Variants in ADAMTSL1 observed in about 807,000 individuals in gnomAD.
The protein encoded by ADAMTSL1 is ADAMTS like 1.
Under a neutral mutation model 201.8 loss-of-function variants are expected in ADAMTSL1, and 126 were observed. The observed-to-expected ratio is 0.62, with a 90% CI of 0.54 to 0.72. The LOEUF (loss-of-function observed/expected upper bound fraction) is 0.72. ADAMTSL1 is among the 30% of genes least tolerant of loss of function. The pLI, the probability that ADAMTSL1 is intolerant of heterozygous loss-of-function variation, is 0.00. For synonymous variants in ADAMTSL1, 1,121 were observed against 903.4 expected (o/e 1.24, Z -4.32); for missense variants, 2,679 against 2,277.8 (o/e 1.18, Z -3.59).
At chr9:18,615,273 T>C (rs1378692340) in intron 4 of ADAMTSL1, among the ~76,000 whole-genome samples, 2 of 152,176 alleles carry the variant, frequency 1.3e-5, no homozygotes, top group African/African-American at 4.8e-5. Context: ...GGAATTTTGG[T>C]ACCCATAACA....
At chr9:18,818,049 C>T (rs1380507217) in intron 21 of ADAMTSL1, among the ~76,000 whole-genome samples, 1 of 152,082 alleles carries the variant, frequency 6.6e-6, no homozygotes, top group Non-Finnish European at 1.5e-5. Flanking sequence ...AAAATATTTA[C>T]CTTCAATTAA....
intron 2 of ADAMTSL1, among the ~76,000 whole-genome samples, chr9:18,224,022 T>C (rs1340133133): frequency 6.6e-6 from 1 of 151,572 alleles, no homozygotes; most frequent in Admixed American, 6.6e-5. Context: ...AAAAGCATTC[T>C]TTTTTTTTCT....
Position 18,644,317 on chromosome 9 carries a change from A to G in ADAMTSL1, c.834+4906A>G, listed in dbSNP as rs187673969. On this transcript the variant is annotated intron_variant, in intron 7 of 28. Transcript: ENST00000380548. The stretch of plus-strand genomic sequence containing the variant: ...TTTAAGCAGTGCATTGCTTTTTGAA[A>G]AAGATATTGCAGGAATCAGAATGGC... 1.1e-4 allele frequency among the ~76,000 whole-genome samples: 17 copies of G among 152,072 alleles called. No individual in the cohort carries two copies. The East Asian group carries it at 1.9e-3, about 17-fold the overall frequency.
chr9:18,628,163 C>T (rs1826515218), intron 5 of ADAMTSL1, among the ~76,000 whole-genome samples: 1 of 148,838 alleles, frequency 6.7e-6, no homozygotes, highest in Non-Finnish European at 1.5e-5. Context: ...TGTCTAAGAA[C>T]TTCTTGCCTA....
At chr9:18,798,605 G>A (rs1433819) in intron 20 of ADAMTSL1, among the ~76,000 whole-genome samples, 9,774 of 152,260 alleles carry the variant, frequency 0.064, 461 homozygotes, top group East Asian at 0.22. Flanking sequence ...GAATGTCTCA[G>A]TGTCAAATAG....
In ADAMTSL1 at chr9:18,532,687, A is replaced by T. The variant is rs556784214; in HGVS notation, c.192-560A>T. 5.9e-5 allele frequency among the ~76,000 whole-genome samples: 9 copies of T among 152,056 alleles called. No individual in the cohort carries two copies. The South Asian group carries it at 1.9e-3, about 31-fold the overall frequency. ...AATCAAAATAATAGTGATTGTCTTTAGATGAGGCAACTACAGGGGACTTCT... is the reference window on the plus strand; with the variant it reads ...AATCAAAATAATAGTGATTGTCTTTTGATGAGGCAACTACAGGGGACTTCT... On this transcript the variant is annotated intron_variant, in intron 2 of 28. Coordinates refer to ENST00000380548, the MANE Select transcript of ADAMTSL1 (RefSeq NM_001040272.6).
chr9:18,707,421 G>T (rs1564167760), intron 14 of ADAMTSL1, among the ~76,000 whole-genome samples: 1 of 152,202 alleles, frequency 6.6e-6, no homozygotes, highest in African/African-American at 2.4e-5. Flanking sequence ...TGTGAACCAA[G>T]ACCCAAGAAC....
intron 2 of ADAMTSL1, among the ~76,000 whole-genome samples, chr9:18,304,480 C>T (rs566127108): frequency 6.6e-6 from 1 of 152,100 alleles, no homozygotes; most frequent in African/African-American, 2.4e-5. Context: ...TTTTGCAAAA[C>T]CAAATTAAAA....
At chr9:18,293,967 A>G (rs1587488889) in intron 2 of ADAMTSL1, among the ~76,000 whole-genome samples, 1 of 152,344 alleles carries the variant, frequency 6.6e-6, no homozygotes, top group South Asian at 2.1e-4. Context: ...AATAACAGGG[A>G]AAATATTTCC....
At position 18,411,056 on chromosome 9, in the gene ADAMTSL1, G is replaced by A. The variant is rs1032053068; in HGVS notation, c.208-93773G>A. On this transcript the variant is annotated intron_variant, in intron 2 of 29. Coordinates refer to the ADAMTSL1 transcript ENST00000680146. ...TTTTTTGTATTTTAATAGAAATGGC[G>A]TTTCACCATGTTGGCCAGGATGGTC... 5.3e-5 allele frequency among the ~76,000 whole-genome samples: 8 copies of A among 150,518 alleles called. No homozygotes were observed. In the East Asian group the frequency reaches 5.8e-4, roughly 11 times the overall value.
intron 1 of ADAMTSL1, among the ~76,000 whole-genome samples, chr9:18,497,626 A>G (rs992021969): frequency 6.6e-6 from 1 of 152,236 alleles, no homozygotes; most frequent in African/African-American, 2.4e-5. Flanking sequence ...TTTTAAAGTA[A>G]TAGAAACTGA....
chr9:18,281,543 C>T (rs1832790609), intron 2 of ADAMTSL1, among the ~76,000 whole-genome samples: 2 of 152,162 alleles, frequency 1.3e-5, no homozygotes, highest in Non-Finnish European at 2.9e-5. Flanking sequence ...AAGGGCCCTT[C>T]GCGACTGGGC....
rs1827821564 is a variant in ADAMTSL1, at chr9:18,646,529, T to C, written c.834+7118T>C. Among the ~76,000 whole-genome samples the C allele has an allele frequency of 8.1e-5, 12 of 148,886 alleles. No individual in the cohort carries two copies. In the South Asian group the frequency reaches 2.3e-3, roughly 29 times the overall value. On this transcript the variant is annotated intron_variant, in intron 7 of 28. Transcript: ENST00000380548. ...CAGTATGATATTGGCTGTGGGTTTG[T>C]CACAGATAGCTCTTATTATTTTGAG...
intron 19 of ADAMTSL1, among the ~76,000 whole-genome samples, chr9:18,792,361 G>A (rs1822115838): frequency 6.6e-6 from 1 of 152,194 alleles, no homozygotes; most frequent in African/African-American, 2.4e-5. Context: ...AATAGAGGAA[G>A]ATAATGAGAT....
At chr9:18,597,111 A>G (rs146574597) in intron 4 of ADAMTSL1, among the ~76,000 whole-genome samples, 1 of 152,324 alleles carries the variant, frequency 6.6e-6, no homozygotes, top group African/African-American at 2.4e-5. Flanking sequence ...CACAGCATGG[A>G]TGGAGCAACG....
chr9:18,006,003 G>C (rs1419161), intron 1 of ADAMTSL1, among the ~76,000 whole-genome samples: 97,892 of 151,722 alleles, frequency 0.65, 32,571 homozygotes, highest in African/African-American at 0.82. Flanking sequence ...TGAATTCCTA[G>C]TGTAAACTAC....
chr9:18,594,798 T>C (rs996548722), intron 4 of ADAMTSL1, among the ~76,000 whole-genome samples: 3 of 152,196 alleles, frequency 2.0e-5, no homozygotes, highest in Non-Finnish European at 4.4e-5. Flanking sequence ...TCCATCCCTT[T>C]AGGGTTGATC....
rs561275954 is a variant in ADAMTSL1 at position 18,826,174 on chromosome 9, G to A, written c.3935-110G>A. On this transcript the variant is annotated intron_variant, in intron 21 of 28. Transcript: ENST00000380548. ...CCAAAGCCTGGTAGAAGATGTCCCTGTAGAGCAGCCCCAGGGAAGGGGGAT... is the reference window on the plus strand; with the variant it reads ...CCAAAGCCTGGTAGAAGATGTCCCTATAGAGCAGCCCCAGGGAAGGGGGAT... The A allele has an allele frequency of 1.8e-4, 244 of 1,335,634 alleles. 1 individual carries two copies. Among genetic ancestry groups the A allele is most frequent in the Non-Finnish European group, 2.4e-4 (231 of 958,832 alleles). The allele number at this position is 1,335,634 out of a possible 1,614,324, so 82.7% of individuals were successfully genotyped here. A position where few individuals can be genotyped will look rare whatever the true frequency, so the allele number is the denominator to read the frequency against.
chr9:18,018,477 G>T (rs1343369460), intron 1 of ADAMTSL1, among the ~76,000 whole-genome samples: 2 of 151,956 alleles, frequency 1.3e-5, no homozygotes, highest in Admixed American at 1.3e-4. Context: ...TGTAGAATAT[G>T]GCTATGGAAT....
Sources: allele counts gnomAD v4.1 joint callset (sites outside exome capture counted in the v4.1 genomes callset), GRCh38; gene constraint gnomAD v4.1.1; transcripts MANE v1.5; gene names NCBI Gene and HGNC (gene_info 2026-07-23, HGNC 2026-07-21).